MED26: variants seen among roughly 807,000 people sequenced by gnomAD.
The protein encoded by MED26 is mediator complex subunit 26, also known as mediator of RNA polymerase II transcription subunit 26.
In MED26, 7 loss-of-function variants were observed where a neutral mutation model predicts 43.7. That is an observed-to-expected ratio of 0.16 (90% confidence interval 0.09 to 0.30). MED26 has a LOEUF of 0.30. Ranked by LOEUF, MED26 falls within the 10% of genes least tolerant of loss-of-function variation. The pLI is 1.00. For missense variants in MED26, 784 were observed against 840.6 expected (o/e 0.93, Z 0.83); for synonymous variants, 375 against 371.1 (o/e 1.01, Z -0.12).
Position 16,622,128 on chromosome 19 carries a change from G to C in MED26, c.72+5744C>G, listed in dbSNP as rs780254188. Among the ~76,000 whole-genome samples, 5 of 152,226 alleles carry C rather than the reference G, an allele frequency of 3.3e-5. No individual in the cohort carries two copies. The East Asian group carries it at 7.7e-4, about 23-fold the overall frequency. On this transcript the variant is annotated intron_variant, in intron 1 of 2. Transcript: ENST00000263390. ...ACTTATTCTGAAAACCTGGATGATA[G>C]AATATACTTAAGAAAGCCATCTCAT...
chr19:16,586,190 G>A lies in MED26; in HGVS notation c.73-7781C>T, dbSNP rs1374242156. On this transcript the variant is annotated intron_variant, in intron 1 of 2. Coordinates refer to ENST00000263390, the MANE Select transcript of MED26 (RefSeq NM_004831.5). This position sits in a 1 kb window ranked among gnomAD's most constrained non-coding sequence, Gnocchi z 5.1. ...GTGCTGAGCCTGGGCAGGCCCAACC[G>A]GGCACAACTCGCACAGGACCATCAC... Among the ~76,000 whole-genome samples, 1 of 152,220 alleles carries A rather than the reference G, an allele frequency of 6.6e-6. No individual in the cohort carries two copies. The highest frequency in any genetic ancestry group is 2.4e-5 in the African/African-American group (1 of 41,452).
chr19:16,625,361 T>A (rs2086269732), intron 1 of MED26, among the ~76,000 whole-genome samples: 1 of 152,202 alleles, frequency 6.6e-6, no homozygotes, highest in Non-Finnish European at 1.5e-5. Context: ...CTTCGTCACT[T>A]CCCTAACTTT....
intron 1 of MED26, among the ~76,000 whole-genome samples, chr19:16,610,083 G>A (rs771827605): frequency 1.3e-5 from 2 of 151,398 alleles, no homozygotes; most frequent in Non-Finnish European, 2.9e-5. Context: ...GCAACACAGC[G>A]AGACCGTCTC....
At chr19:16,617,621 C>T (rs1712043690) in intron 1 of MED26, among the ~76,000 whole-genome samples, 1 of 152,162 alleles carries the variant, frequency 6.6e-6, no homozygotes, top group Non-Finnish European at 1.5e-5. Flanking sequence ...TTCTCTCCAC[C>T]CCAATTTCAA....
chr19:16,582,774 G>A (rs2086052224), intron 1 of MED26, among the ~76,000 whole-genome samples: 1 of 152,354 alleles, frequency 6.6e-6, no homozygotes, highest in Non-Finnish European at 1.5e-5. Context: ...GTGTCCACCT[G>A]GGCTGGAGAC....
intron 1 of MED26, among the ~76,000 whole-genome samples, chr19:16,619,385 T>C (rs3786602): frequency 0.42 from 63,964 of 152,016 alleles, 15,322 homozygotes; most frequent in African/African-American, 0.66. Flanking sequence ...TGGTAACTAC[T>C]ACATCACCCT....
At chr19:16,584,551 G>A (rs1239112999) in intron 1 of MED26, among the ~76,000 whole-genome samples, 5 of 152,168 alleles carry the variant, frequency 3.3e-5, no homozygotes, top group African/African-American at 4.8e-5. Flanking sequence ...CTGGAGCTGC[G>A]TGAGACACCT....
At chr19:16,620,147 G>C (rs1169056543) in intron 1 of MED26, among the ~76,000 whole-genome samples, 2 of 152,186 alleles carry the variant, frequency 1.3e-5, no homozygotes, top group African/African-American at 4.8e-5. Context: ...AGTGACCACT[G>C]TCCTCCCAGT....
chr19:16,615,151 G>A (rs2086218328), intron 1 of MED26, among the ~76,000 whole-genome samples: 1 of 152,180 alleles, frequency 6.6e-6, no homozygotes, highest in South Asian at 2.1e-4. Context: ...ATCAGACCAG[G>A]ATGCCTGCAA....
intron 1 of MED26, among the ~76,000 whole-genome samples, chr19:16,610,131 G>A (rs1355100086): frequency 1.3e-5 from 2 of 151,862 alleles, no homozygotes; most frequent in East Asian, 3.9e-4. Context: ...GTGGTGGCTA[G>A]CACTTGTAGT....
chr19:16,609,330 A>AG (rs956099328), intron 1 of MED26, among the ~76,000 whole-genome samples: 5 of 141,188 alleles, frequency 3.5e-5, no homozygotes, highest in East Asian at 4.0e-4. Flanking sequence ...AAAAAAAAAA[A>AG]AAAAAAAGAG....
intron 1 of MED26, among the ~76,000 whole-genome samples, chr19:16,616,969 T>C (rs1599347977): frequency 6.6e-6 from 1 of 152,092 alleles, no homozygotes; most frequent in East Asian, 1.9e-4. Context: ...ACAACAGGCA[T>C]CCTTGTGCCC....
chr19:16,584,380 G>A (rs1363943920), intron 1 of MED26, among the ~76,000 whole-genome samples: 1 of 151,294 alleles, frequency 6.6e-6, no homozygotes, highest in Non-Finnish European at 1.5e-5. Context: ...TGTCCCCAGA[G>A]AGCCCCATAG....
At chr19:16,593,515 T>C (rs2086107347) in intron 1 of MED26, among the ~76,000 whole-genome samples, 1 of 152,212 alleles carries the variant, frequency 6.6e-6, no homozygotes, top group Admixed American at 6.5e-5. Context: ...CCTAGAACAG[T>C]GCCTGGCAAC....
In MED26 at chr19:16,628,160, AGCCGCCGCCGCTCGCT is replaced by A; in HGVS notation, c.-233_-218del. On this transcript the variant is annotated 5_prime_UTR_variant, in exon 1 of 3. Coordinates refer to ENST00000263390, the MANE Select transcript of MED26 (RefSeq NM_004831.5). ...CCAAAGGAGGAGGAGGAGCCGCCGG[AGCCGCCGCCGCTCGCT>A]GCCGCCGCCTCGAGAACCAAACTCC... 2.8e-6 allele frequency: 1 copy of A among 362,710 alleles called. No individual in the cohort carries two copies. Among genetic ancestry groups the A allele is most frequent in the Non-Finnish European group, 4.9e-6 (1 of 205,286 alleles). The allele number at this position is 362,710 out of a possible 1,614,324, so 22.5% of individuals were successfully genotyped here. A position where few individuals can be genotyped will look rare whatever the true frequency, so the allele number is the denominator to read the frequency against.
intron 1 of MED26, chr19:16,589,497 T>C (rs1204338014): frequency 6.6e-6 from 1 of 152,104 alleles, no homozygotes; most frequent in African/African-American, 2.4e-5. Context: ...CAAAACAACG[T>C]TGAGTCAAAG....
At chr19:16,617,977 C>G (rs1424204668) in intron 1 of MED26, among the ~76,000 whole-genome samples, 25 of 152,186 alleles carry the variant, frequency 1.6e-4, no homozygotes. Context: ...AGAGCCCCCC[C>G]AGAAACACAA....
chr19:16,598,746 T>A (rs1272052573), intron 1 of MED26, among the ~76,000 whole-genome samples: 1 of 152,166 alleles, frequency 6.6e-6, no homozygotes, highest in Admixed American at 6.5e-5. Flanking sequence ...CTTCTGACAC[T>A]GGCGCATCAG....
chr19:16,605,775 C>T (rs866736253), intron 1 of MED26, among the ~76,000 whole-genome samples: 1 of 152,186 alleles, frequency 6.6e-6, no homozygotes, highest in South Asian at 2.1e-4. Flanking sequence ...GACAGGCAGA[C>T]TCCATGGCAC....
Sources: gnomAD v4.1 joint callset for allele counts (sites outside exome capture counted in the v4.1 genomes callset) on GRCh38, gnomAD v4.1.1 for gene constraint, Gnocchi (gnomAD v3.1) non-coding constraint, MANE v1.5 for transcripts, NCBI Gene and HGNC (gene_info 2026-07-23, HGNC 2026-07-21) for gene names.